The following DPYD variants were observed in gnomAD, a reference collection of about 807,000 sequenced individuals.
DPYD encodes the protein dihydropyrimidine dehydrogenase.
Under a neutral mutation model 116.2 loss-of-function variants are expected in DPYD, and 109 were observed. The observed-to-expected ratio is 0.94, with a 90% CI of 0.80 to 1.10. DPYD has a LOEUF of 1.10. Among genes scored for constraint, DPYD ranks in the 50% least tolerant of loss-of-function variants. The pLI, the probability that DPYD is intolerant of heterozygous loss-of-function variation, is 0.00. For synonymous variants in DPYD, 440 were observed against 432.0 expected (o/e 1.02, Z -0.23); for missense variants, 1,302 against 1,254.5 (o/e 1.04, Z -0.57).
At chr1:97,577,240 C>T (rs887668063) in intron 10 of DPYD, among the ~76,000 whole-genome samples, 1 of 152,130 alleles carries the variant, frequency 6.6e-6, no homozygotes, top group Non-Finnish European at 1.5e-5. Context: ...CCTGCAGCAC[C>T]CCCGTTTCTC....
At chr1:97,523,669 A>G (rs1164167739) in intron 12 of DPYD, among the ~76,000 whole-genome samples, 1 of 152,176 alleles carries the variant, frequency 6.6e-6, no homozygotes, top group African/African-American at 2.4e-5. Flanking sequence ...AAATAAAACA[A>G]TATCATTAAT....
At chr1:97,205,739 G>A (rs1263758161) in intron 19 of DPYD, among the ~76,000 whole-genome samples, 1 of 152,076 alleles carries the variant, frequency 6.6e-6, no homozygotes, top group Non-Finnish European at 1.5e-5. Flanking sequence ...TGTCCTTCAA[G>A]GTTCCTTTTA....
intron 4 of DPYD, among the ~76,000 whole-genome samples, chr1:97,722,690 A>G (rs1488420765): frequency 1.3e-5 from 2 of 151,672 alleles, no homozygotes; most frequent in African/African-American, 2.4e-5. Context: ...AGCCTCAGAC[A>G]TAAGTACAGA....
chr1:97,211,348 A>G (rs1660018829), intron 19 of DPYD, among the ~76,000 whole-genome samples: 1 of 152,148 alleles, frequency 6.6e-6, no homozygotes, highest in Non-Finnish European at 1.5e-5. Context: ...AGTCACTATC[A>G]CACAGTCTAA....
chr1:97,711,813 C>A (rs374184810), intron 5 of DPYD, among the ~76,000 whole-genome samples: 5 of 151,616 alleles, frequency 3.3e-5, no homozygotes, highest in Non-Finnish European at 7.4e-5. Flanking sequence ...CTTTTTTTTA[C>A]ATCTTTATTT....
chr1:97,524,779 C>A (rs1431041798), intron 12 of DPYD, among the ~76,000 whole-genome samples: 1 of 152,096 alleles, frequency 6.6e-6, no homozygotes, highest in African/African-American at 2.4e-5. Context: ...ATAATTTACA[C>A]CCCCAAATTT....
At chr1:97,106,587 CA>C (rs1026634524) in intron 20 of DPYD, among the ~76,000 whole-genome samples, 3 of 152,088 alleles carry the variant, frequency 2.0e-5, no homozygotes, top group Admixed American at 6.6e-5. Flanking sequence ...GGCCTTATAG[CA>C]CTCGCCCAGC....
intron 20 of DPYD, among the ~76,000 whole-genome samples, chr1:97,173,347 CACATATATGT>C (rs1557912041): frequency 6.7e-6 from 1 of 149,056 alleles, no homozygotes; most frequent in Non-Finnish European, 1.5e-5. Context: ...TATATATGCA[CACATATATGT>C]ACATATATAC....
intron 8 of DPYD, among the ~76,000 whole-genome samples, chr1:97,603,320 T>A (rs563856616): frequency 6.6e-6 from 1 of 152,098 alleles, no homozygotes; most frequent in East Asian, 1.9e-4. Flanking sequence ...TCTTCCAGGC[T>A]TACAAAGAAA....
chr1:97,643,509 T>C lies in DPYD; in HGVS notation c.850+35586A>G, dbSNP rs998339726. Among the ~76,000 whole-genome samples, 2 of 152,172 alleles carry C rather than the reference T, an allele frequency of 1.3e-5. 1 individual carries two copies. Among genetic ancestry groups the C allele is most frequent in the African/African-American group, 4.8e-5 (2 of 41,470 alleles). On this transcript the variant is annotated intron_variant, in intron 8 of 22. Transcript: ENST00000370192. ...GTGGGAATGTAAATTAGTTCAACCA[T>C]TGTGGATGACAGTGTGACAATTCCT...
chr1:97,602,340 C>T (rs2811199), intron 8 of DPYD, among the ~76,000 whole-genome samples: 23,486 of 151,848 alleles, frequency 0.15, 2,062 homozygotes, highest in African/African-American at 0.22. Flanking sequence ...AATTACTTCA[C>T]CTAACTTCAT....
At chr1:97,290,528 A>G (rs923213256) in intron 18 of DPYD, among the ~76,000 whole-genome samples, 51 of 152,082 alleles carry the variant, frequency 3.4e-4, no homozygotes, top group East Asian at 1.2e-3. Context: ...CAGAAATAAC[A>G]CCGCATATCT....
intron 8 of DPYD, among the ~76,000 whole-genome samples, chr1:97,614,367 A>T (rs1394017480): frequency 2.6e-5 from 4 of 152,224 alleles, no homozygotes; most frequent in African/African-American, 9.6e-5. Flanking sequence ...CAGTAGATCA[A>T]GTGTTGCCTT....
intron 8 of DPYD, among the ~76,000 whole-genome samples, chr1:97,597,752 A>G (rs1411687425): frequency 6.6e-6 from 1 of 152,214 alleles, no homozygotes; most frequent in East Asian, 1.9e-4. Flanking sequence ...TGGGAGTTCC[A>G]GTCTCCTGTC....
chr1:97,633,844 T>A (rs12073839), intron 8 of DPYD, among the ~76,000 whole-genome samples: 21,218 of 151,888 alleles, frequency 0.14, 1,618 homozygotes, highest in Middle Eastern at 0.19. Flanking sequence ...AATGGAATAG[T>A]CGGGTTATAT....
intron 20 of DPYD, among the ~76,000 whole-genome samples, chr1:97,183,542 T>A (rs998280489): frequency 2.3e-4 from 35 of 152,104 alleles, no homozygotes; most frequent in African/African-American, 8.0e-4. Flanking sequence ...GTACAAATTC[T>A]CCCACTTCCC....
chr1:97,334,528 A>G (rs1296484166), intron 16 of DPYD, among the ~76,000 whole-genome samples: 2 of 152,246 alleles, frequency 1.3e-5, no homozygotes, highest in Admixed American at 1.3e-4. Flanking sequence ...GTGGTCTGTG[A>G]CCATAAGTCG....
intron 8 of DPYD, among the ~76,000 whole-genome samples, chr1:97,669,652 GAGAA>G (rs545449420): frequency 7.0e-4 from 107 of 152,320 alleles, no homozygotes; most frequent in Middle Eastern, 3.4e-3. Flanking sequence ...TTAAATGACA[GAGAA>G]AGAGATTATT....
intron 20 of DPYD, among the ~76,000 whole-genome samples, chr1:97,188,533 G>A (rs1369552522): frequency 3.3e-5 from 5 of 152,114 alleles, no homozygotes; most frequent in Admixed American, 2.0e-4. Context: ...ATGACCTGCA[G>A]CACTGGACAA....
Sources: gnomAD v4.1 joint callset for allele counts (sites outside exome capture counted in the v4.1 genomes callset) on GRCh38, gnomAD v4.1.1 for gene constraint, MANE v1.5 for transcripts, NCBI Gene and HGNC (gene_info 2026-07-23, HGNC 2026-07-21) for gene names.